Variants in SLC20A2 observed in about 807,000 individuals in gnomAD.
SLC20A2 encodes solute carrier family 20 member 2.
A neutral mutation model predicts 61.0 loss-of-function variants in SLC20A2; 30 were observed. The observed-to-expected ratio is 0.49, with a 90% CI of 0.37 to 0.67. The LOEUF (loss-of-function observed/expected upper bound fraction) is 0.67, where lower values mean the gene tolerates loss of function less well. Among genes scored for constraint, SLC20A2 ranks in the 30% least tolerant of loss-of-function variants. The pLI is 0.00. For synonymous variants in SLC20A2, 351 were observed against 353.3 expected (o/e 0.99, Z 0.07); for missense variants, 626 against 866.4 (o/e 0.72, Z 3.48).
chr8:42,421,312 C>T (rs1803022454), intron 10 of SLC20A2, among the ~76,000 whole-genome samples: 1 of 152,194 alleles, frequency 6.6e-6, no homozygotes, highest in Non-Finnish European at 1.5e-5. Flanking sequence ...ACTATAAGAA[C>T]ACACCATGTG....
chr8:42,505,109 CTTTT>C (rs11295337), upstream of SLC20A2, among the ~76,000 whole-genome samples: 6 of 142,712 alleles, frequency 4.2e-5, no homozygotes, highest in African/African-American at 1.6e-4. Context: ...CCCCCCCAAC[CTTTT>C]TTTTTTTTTA....
At chr8:42,527,077 C>G (rs1490645481) in intron 1 of SLC20A2, among the ~76,000 whole-genome samples, 1 of 147,736 alleles carries the variant, frequency 6.8e-6, no homozygotes, top group Non-Finnish European at 1.5e-5. Context: ...GCACTCCAGC[C>G]TGAGTAACAG....
intron 10 of SLC20A2, among the ~76,000 whole-genome samples, chr8:42,428,428 T>C (rs956151337): frequency 6.6e-6 from 1 of 152,228 alleles, no homozygotes; most frequent in South Asian, 2.1e-4. Context: ...GGCTCCCAAG[T>C]GAGCCCACAG....
chr8:42,529,847 C>A (rs924344998), intron 1 of SLC20A2, among the ~76,000 whole-genome samples: 4 of 152,074 alleles, frequency 2.6e-5, no homozygotes, highest in Non-Finnish European at 1.5e-5. Flanking sequence ...CTCTCTGAAT[C>A]GATACAAAAT....
chr8:42,428,882 T>C, intron 9 of SLC20A2, 40 bp from the exon 10 acceptor site: 1 of 1,502,414 alleles, frequency 6.7e-7, no homozygotes, highest in Non-Finnish European at 8.9e-7. Flanking sequence ...GTGCCCTCTG[T>C]ATCAGCCTCC....
chr8:42,488,167 G>A (rs1284823535), intron 1 of SLC20A2, among the ~76,000 whole-genome samples: 1 of 143,828 alleles, frequency 7.0e-6, no homozygotes, highest in African/African-American at 2.6e-5. Context: ...TTTAGCGACT[G>A]TGAATAATAC....
At chr8:42,466,388 A>G (rs1163402674) in intron 2 of SLC20A2, among the ~76,000 whole-genome samples, 3 of 152,086 alleles carry the variant, frequency 2.0e-5, no homozygotes. Flanking sequence ...GTCCGGCCAG[A>G]TTATGCATTT....
At chr8:42,540,982 T>C (rs1813081410) in intron 1 of SLC20A2, 2 of 152,226 alleles carry the variant, frequency 1.3e-5, no homozygotes, top group African/African-American at 4.8e-5. Context: ...CCACGCACCA[T>C]TTAGGACGGG....
At chr8:42,419,755 T>C (rs1802918346) in intron 10 of SLC20A2, 2 of 826,070 alleles carry the variant, frequency 2.4e-6, no homozygotes, top group East Asian at 1.2e-4. Flanking sequence ...CATGATATCA[T>C]GTAAGTTGCT....
chr8:42,538,779 A>T (rs1812871313), intron 1 of SLC20A2, among the ~76,000 whole-genome samples: 1 of 152,250 alleles, frequency 6.6e-6, no homozygotes, highest in South Asian at 2.1e-4. Context: ...AACAGGAGCC[A>T]ATGCTGTTAT....
chr8:42,530,674 T>G (rs1812261911), intron 1 of SLC20A2, among the ~76,000 whole-genome samples: 2 of 152,136 alleles, frequency 1.3e-5, no homozygotes, highest in Admixed American at 6.5e-5. Context: ...AAACTTCTTT[T>G]AACTAAAAAA....
intron 1 of SLC20A2, among the ~76,000 whole-genome samples, chr8:42,513,013 T>C (rs1248420422): frequency 6.6e-6 from 1 of 152,224 alleles, no homozygotes; most frequent in East Asian, 1.9e-4. Context: ...TCTGAGATCA[T>C]TTACTAAAGT....
chr8:42,444,570 G>T lies in SLC20A2; in HGVS notation c.730+76C>A, dbSNP rs1805050181. The stretch of plus-strand genomic sequence containing the variant: ...CACTTCCATTTCCTCCATTAGTAAG[G>T]ATCATGGCATGTTACATGTGAGGTT... On this transcript the variant is annotated intron_variant, in intron 6 of 10. Coordinates refer to ENST00000520262, the MANE Select transcript of SLC20A2 (RefSeq NM_001257180.2). The T allele has an allele frequency of 3.7e-6, 4 of 1,086,724 alleles. No individual in the cohort carries two copies. The East Asian group carries it at 9.6e-5, about 26-fold the overall frequency. 67.3% of individuals were successfully genotyped at this position (1,086,724 alleles called of 1,614,324 possible).
intron 1 of SLC20A2, among the ~76,000 whole-genome samples, chr8:42,500,662 A>AT (rs143762511): frequency 6.6e-6 from 1 of 152,142 alleles, no homozygotes; most frequent in African/African-American, 2.4e-5. Flanking sequence ...AACTTTCAAC[A>AT]TTTTTTTCTC....
At position 42,459,945 on chromosome 8, in the gene SLC20A2, A is replaced by G; in HGVS notation, c.564T>C (p.Ala188=). ...AAAAGACATTGATTGCTATGGTAGC[A>G]GCATAGAATACTGGGAGTGCCCGGA... ...NGLRALPVFY[A]ATIAINVFSI... Residue 188 remains alanine (A), a synonymous_variant, in exon 5 of 11, where the codon GCT becomes GCC. Transcript: ENST00000520262. The G allele has an allele frequency of 6.2e-7, 1 of 1,613,656 alleles. No individual in the cohort carries two copies. The highest frequency in any genetic ancestry group is 8.5e-7 in the Non-Finnish European group (1 of 1,179,792).
intron 5 of SLC20A2, among the ~76,000 whole-genome samples, chr8:42,455,257 T>TATATATATATATAGAGAGAGAG (rs1357416749): frequency 6.1e-5 from 5 of 81,620 alleles, no homozygotes; most frequent in African/African-American, 2.2e-4. Flanking sequence ...TATATATATA[T>TATATATATATATAGAGAGAGAG]AGAGAGAGAG....
chr8:42,469,249 A>G (rs1807434128), intron 2 of SLC20A2, among the ~76,000 whole-genome samples: 1 of 152,208 alleles, frequency 6.6e-6, no homozygotes, highest in Non-Finnish European at 1.5e-5. Flanking sequence ...CTCCCAGGGC[A>G]AAGAACCCGA....
intron 6 of SLC20A2, among the ~76,000 whole-genome samples, chr8:42,443,312 A>G (rs1400258461): frequency 8.1e-6 from 1 of 124,002 alleles, no homozygotes; most frequent in Non-Finnish European, 1.7e-5. Context: ...TATATATAAT[A>G]AAATGTATAC....
chr8:42,461,385 A>G (rs1806686364), intron 4 of SLC20A2, among the ~76,000 whole-genome samples: 1 of 152,088 alleles, frequency 6.6e-6, no homozygotes, highest in Non-Finnish European at 1.5e-5. Flanking sequence ...TTCCCAACCA[A>G]TAACTTCTGC....
Sources: allele counts gnomAD v4.1 joint callset (sites outside exome capture counted in the v4.1 genomes callset), GRCh38; gene constraint gnomAD v4.1.1; transcripts MANE v1.5; gene names NCBI Gene and HGNC (gene_info 2026-07-23, HGNC 2026-07-21).